PEX6: variants seen among roughly 807,000 people sequenced by gnomAD.
PEX6 encodes peroxisome biogenesis factor 6.
In PEX6, 55 loss-of-function variants were observed where a neutral mutation model predicts 85.6. The ratio of observed to expected loss-of-function variants is 0.64; its 90% CI spans 0.52 to 0.80. The LOEUF is 0.80. Ranked by LOEUF, PEX6 falls within the 30% of genes least tolerant of loss-of-function variation. The pLI, the probability that PEX6 is intolerant of heterozygous loss-of-function variation, is 0.00. For synonymous variants in PEX6, 519 were observed against 549.1 expected, an observed-to-expected ratio of 0.95 and a Z score of 0.77; for missense variants, 1,099 against 1,260.3, an observed-to-expected ratio of 0.87 and a Z score of 1.94.
chr6:42,977,016 A>G (rs1770324718), intron 1 of PEX6, among the ~76,000 whole-genome samples: 1 of 152,186 alleles, frequency 6.6e-6, no homozygotes, highest in African/African-American at 2.4e-5. Context: ...TGGCTGTGAG[A>G]TCATGAAAGG....
chr6:42,968,171 T>C (rs1227040208), intron 7 of PEX6, 119 bp downstream of exon 7: 1 of 829,086 alleles, frequency 1.2e-6, no homozygotes, highest in Non-Finnish European at 2.1e-6. Context: ...GGTCTTGAAC[T>C]CCTGATCAAG....
At position 42,964,749 on chromosome 6, in the gene PEX6, C is replaced by T. The variant is rs1221418958; in HGVS notation, c.2806+41G>A. ...GGACTCAGGTGCACCCAGCTCCCCA[C>T]TAGCTTTTTGGTTGACCTCTCAGAC... On this transcript the variant is annotated intron_variant, in intron 16 of 16. Coordinates refer to ENST00000304611, the MANE Select transcript of PEX6 (RefSeq NM_000287.4). This position sits in a 1 kb window ranked among gnomAD's most constrained non-coding sequence, Gnocchi z 4.6. 1 of 1,613,674 alleles carries T rather than the reference C, an allele frequency of 6.2e-7. No individual in the cohort carries two copies. The highest frequency in any genetic ancestry group is 8.5e-7 in the Non-Finnish European group (1 of 1,179,878).
chr6:42,972,508 C>A (rs898273105), intron 3 of PEX6, among the ~76,000 whole-genome samples: 1 of 152,140 alleles, frequency 6.6e-6, no homozygotes, highest in Admixed American at 6.5e-5. Flanking sequence ...CGGTGGCTCA[C>A]GCCTGTAATC....
In PEX6 at chr6:42,964,517, G is replaced by A. The variant is rs760105606; in HGVS notation, c.2807-46C>T. 6.2e-6 allele frequency: 10 copies of A among 1,610,188 alleles called. No homozygotes were observed. The highest frequency in any genetic ancestry group is 8.5e-6 in the Non-Finnish European group (10 of 1,178,622). On this transcript the variant is annotated intron_variant, in intron 16 of 16. Transcript: ENST00000304611. This position sits in a 1 kb window ranked among gnomAD's most constrained non-coding sequence, Gnocchi z 4.6. ...AGGCTGTGGTCTATGCCCAGGCAGG[G>A]GAGAGCCCTGCGAAGGTGGCTTCCT...
chr6:42,964,420 T>C lies in PEX6; in HGVS notation c.2858A>G (p.Gln953Arg). Residue 953 changes from glutamine (Q) to arginine (R), a missense_variant, in exon 17 of 17, where the codon CAG becomes CGG. By Grantham distance (43) the Gln-to-Arg change is conservative. Around this residue, in one of 3 missense-constraint regions of PEX6, gnomAD observed 514 missense variants for 627.0 expected, o/e 0.82. Transcript: ENST00000304611. This position sits in a 1 kb window ranked among gnomAD's most constrained non-coding sequence, Gnocchi z 4.6. ...ALMLTMEDLLQAAARLQPSVS... is the reference protein window; with the variant it reads ...ALMLTMEDLLRAAARLQPSVS... ...TGAGGGTTGCAGCCGGGCGGCAGCC[T>C]GCAGCAAGTCCTCCATGGTGAGCAT... The C allele has an allele frequency of 6.2e-7, 1 of 1,613,834 alleles. No homozygotes were observed. The highest frequency in any genetic ancestry group is 8.5e-7 in the Non-Finnish European group (1 of 1,179,944).
Position 42,978,347 on chromosome 6 carries a change from G to A in PEX6, c.804C>T (p.Asp268=), listed in dbSNP as rs761372470. 2 of 1,614,080 alleles carry A rather than the reference G, an allele frequency of 1.2e-6. No homozygotes were observed. Among genetic ancestry groups the A allele is most frequent in the African/African-American group, 1.3e-5 (1 of 74,932 alleles). Residue 268 remains aspartate (D), a synonymous_variant, in exon 1 of 17, where the codon GAC becomes GAT. Transcript: ENST00000304611. ...GSGPLGEPLA[D]GLALVPATLA... ...AAGTGGCAGGGACAAGCGCCAGTCC[G>A]TCAGCGAGGGGCTCTCCCAGCGGTC...
intron 3 of PEX6, among the ~76,000 whole-genome samples, chr6:42,972,419 C>T (rs925407025): frequency 3.9e-5 from 6 of 152,146 alleles, no homozygotes. Flanking sequence ...GTTCTTGGCT[C>T]GGTTATGCTC....
rs1051224 is a variant in PEX6, at chr6:42,964,070, G to A, written c.*265C>T. Reference sequence around the variant, plus strand: ...TAGCCCTCTCAGGGCCCAATCCCCAGAACCCAAGGCCCTGGCCCTCTTCCT... The same window carrying A: ...TAGCCCTCTCAGGGCCCAATCCCCAAAACCCAAGGCCCTGGCCCTCTTCCT... On this transcript the variant is annotated 3_prime_UTR_variant, in exon 17 of 17. Coordinates refer to ENST00000304611, the MANE Select transcript of PEX6 (RefSeq NM_000287.4). This position sits in a 1 kb window ranked among gnomAD's most constrained non-coding sequence, Gnocchi z 4.6. The A allele has an allele frequency of 1.7e-6, 1 of 585,240 alleles. No individual in the cohort carries two copies. The allele number at this position is 585,240 out of a possible 1,614,324, so 36.3% of individuals were successfully genotyped here.
chr6:42,968,224 A>G (rs893225345), intron 7 of PEX6, 66 bp downstream of exon 7: 92 of 1,366,780 alleles, frequency 6.7e-5, no homozygotes, highest in Middle Eastern at 4.3e-4. Context: ...TGCTGGGATT[A>G]TAAGTGTGAG....
At chr6:42,969,030 C>T (rs1769957901) in intron 5 of PEX6, 45 bp from the exon 6 acceptor site, 3 of 1,273,134 alleles carry the variant, frequency 2.4e-6, no homozygotes, top group Middle Eastern at 1.8e-4. Flanking sequence ...TTTGCCCAAA[C>T]ATTAGAGTCC....
chr6:42,974,793 GGGTACTT>G, intron 2 of PEX6, 75 bp downstream of exon 2: 1 of 1,297,404 alleles, frequency 7.7e-7, no homozygotes, highest in Non-Finnish European at 1.1e-6. Flanking sequence ...AGGGCCTCTG[GGGTACTT>G]GGTTCTAAGG....
Position 42,967,528 on chromosome 6 carries a change from C to A in PEX6, c.1724G>T (p.Arg575Leu). Residue 575 changes from arginine to leucine, a missense_variant, in exon 8 of 17, where the codon CGG becomes CTG. Coordinates refer to ENST00000304611, the MANE Select transcript of PEX6 (RefSeq NM_000287.4). Reference protein sequence around the residue: ...PPLMVVATTSRAQDLPADVQT... With the variant: ...PPLMVVATTSLAQDLPADVQT... Reference sequence around the variant, plus strand: ...CACATCAGCAGGCAGGTCCTGGGCCCGGCTTGTGGTGGCCACAACCATGAG... The same window carrying A: ...CACATCAGCAGGCAGGTCCTGGGCCAGGCTTGTGGTGGCCACAACCATGAG... 1.2e-6 allele frequency: 2 copies of A among 1,606,110 alleles called. No homozygotes were observed. The highest frequency in any genetic ancestry group is 1.1e-5 in the South Asian group (1 of 89,526).
At chr6:42,976,662 C>CTT (rs537991333) in intron 1 of PEX6, among the ~76,000 whole-genome samples, 3 of 144,866 alleles carry the variant, frequency 2.1e-5, no homozygotes, top group African/African-American at 5.0e-5. Context: ...TGCGCCTGGC[C>CTT]TTTTTTTTTT....
Position 42,965,301 on chromosome 6 carries a change from C to T in PEX6, c.2539G>A (p.Ala847Thr), listed in dbSNP as rs755677982. 4 of 1,614,172 alleles carry T rather than the reference C, an allele frequency of 2.5e-6. No individual in the cohort carries two copies. The highest frequency in any genetic ancestry group is 1.1e-5 in the South Asian group (1 of 91,088). ...HSTQDVFVIG[A>T]TNRPDLLDPA... Reference sequence around the variant, plus strand: ...TCCAGGAGATCTGGTCTGTTGGTGGCTCCAATCACAAACACATCCTGAGTG... The same window carrying T: ...TCCAGGAGATCTGGTCTGTTGGTGGTTCCAATCACAAACACATCCTGAGTG... Residue 847 changes from alanine (A) to threonine (T), a missense_variant, in exon 14 of 17, where the codon GCC (alanine) becomes ACC (threonine). Around this residue, in one of 3 missense-constraint regions of PEX6, gnomAD observed 514 missense variants for 627.0 expected, o/e 0.82. Transcript: ENST00000304611. The surrounding 1 kb of genome is among the most constrained non-coding windows in gnomAD (Gnocchi z 5.0).
rs1409234072 is a variant in PEX6, at chr6:42,965,728, CAA to C, written c.2422_2423del (p.Leu808GlyfsTer57). ...CIIFFDELDS[L>X]APSRGRSGDS... ...CTCCACTTCGCCCCCGGCTTGGGGC[CAA>C]AGAGTCCAGTTCATCAAAGAAGATA... On this transcript the variant is annotated frameshift_variant, in exon 13 of 17. Coordinates refer to ENST00000304611, the MANE Select transcript of PEX6 (RefSeq NM_000287.4). LOFTEE classifies it high-confidence loss of function. This position sits in a 1 kb window ranked among gnomAD's most constrained non-coding sequence, Gnocchi z 5.0. The C allele has an allele frequency of 6.2e-7, 1 of 1,613,990 alleles. No individual in the cohort carries two copies. The highest frequency in any genetic ancestry group is 8.5e-7 in the Non-Finnish European group (1 of 1,180,002).
Position 42,964,317 on chromosome 6 carries a change from C to G in PEX6, c.*18G>C. The G allele has an allele frequency of 6.2e-7, 1 of 1,613,326 alleles. No individual in the cohort carries two copies. The highest frequency in any genetic ancestry group is 8.5e-7 in the Non-Finnish European group (1 of 1,179,888). On this transcript the variant is annotated 3_prime_UTR_variant, in exon 17 of 17. Coordinates refer to ENST00000304611, the MANE Select transcript of PEX6 (RefSeq NM_000287.4). This position sits in a 1 kb window ranked among gnomAD's most constrained non-coding sequence, Gnocchi z 4.6. ...ACCTGCAGCCATGCTGAGCGGGGTCCCAGACCCTGGGGGGCTCCTAGCAGG... is the reference window on the plus strand; with the variant it reads ...ACCTGCAGCCATGCTGAGCGGGGTCGCAGACCCTGGGGGGCTCCTAGCAGG...
intron 3 of PEX6, 48 bp from the exon 4 acceptor site, chr6:42,970,035 C>G (rs377259696): frequency 3.4e-6 from 5 of 1,462,900 alleles, no homozygotes; most frequent in Non-Finnish European, 4.8e-6. Flanking sequence ...TCCAAAAACC[C>G]CCCTCCTCAA....
chr6:42,977,462 T>C (rs1288043877), intron 1 of PEX6, among the ~76,000 whole-genome samples: 4 of 151,836 alleles, frequency 2.6e-5, no homozygotes, highest in African/African-American at 7.3e-5. Flanking sequence ...TATGCCCCAC[T>C]ACATTATGGA....
chr6:42,963,951 T>A lies in PEX6; in HGVS notation c.*384A>T. ...CCACCCCCCCACCCTCTCCCAGGGC[T>A]TACTCCTCCCACAACCCTGCTCTTT... On this transcript the variant is annotated 3_prime_UTR_variant, in exon 17 of 17. Transcript: ENST00000304611. The A allele has an allele frequency of 2.5e-6, 1 of 405,850 alleles. No homozygotes were observed. 25.1% of individuals were successfully genotyped at this position (405,850 alleles called of 1,614,324 possible).
Sources: allele counts gnomAD v4.1 joint callset (sites outside exome capture counted in the v4.1 genomes callset), GRCh38; gene constraint gnomAD v4.1.1; regional missense constraint gnomAD v4.1.1; non-coding constraint Gnocchi (gnomAD v3.1); transcripts MANE v1.5; gene names NCBI Gene and HGNC (gene_info 2026-07-23, HGNC 2026-07-21).